The following TBC1D9 variants were observed in gnomAD, a reference collection of about 807,000 sequenced individuals.
TBC1D9 encodes TBC1 domain family member 9A.
Under a neutral mutation model 132.0 loss-of-function variants are expected in TBC1D9, and 63 were observed. That is an observed-to-expected ratio of 0.48 (90% CI 0.39 to 0.59). The LOEUF is 0.59. Among genes scored for constraint, TBC1D9 ranks in the 20% least tolerant of loss-of-function variants. The pLI is 0.00. For synonymous variants in TBC1D9, 610 were observed against 609.9 expected, an observed-to-expected ratio of 1.00 and a Z score of 0.00; for missense variants, 1,261 against 1,592.7, an observed-to-expected ratio of 0.79 and a Z score of 3.54.
chr4:140,642,296 C>T (rs1232378616), intron 13 of TBC1D9: 19 of 722,678 alleles, frequency 2.6e-5, no homozygotes, highest in East Asian at 2.7e-5. Flanking sequence ...CGGAATGGGC[C>T]GACTTGGGCT....
At position 140,621,510 on chromosome 4, in the gene TBC1D9, A is replaced by T. The variant is rs1328248554; in HGVS notation, c.*685T>A. The T allele has an allele frequency of 6.6e-6, 1 of 152,168 alleles. No homozygotes were observed. Among genetic ancestry groups the T allele is most frequent in the Non-Finnish European group, 1.5e-5 (1 of 68,028 alleles). The allele number at this position is 152,168 out of a possible 1,614,324, so 9.4% of individuals were successfully genotyped here. ...GTAAATAATCAGAACAATTTCTTAA[A>T]TGCAAAATTGGTCTGGTATCTGTCT... On this transcript the variant is annotated 3_prime_UTR_variant, in exon 21 of 21. Transcript: ENST00000442267.
intron 9 of TBC1D9, among the ~76,000 whole-genome samples, chr4:140,667,423 GA>G (rs2111006788): frequency 6.6e-6 from 1 of 152,332 alleles, no homozygotes; most frequent in South Asian, 2.1e-4. Context: ...CAAGGAGGAT[GA>G]AAATGGAAAT....
intron 5 of TBC1D9, among the ~76,000 whole-genome samples, chr4:140,677,794 C>T (rs1474429725): frequency 6.6e-6 from 1 of 152,148 alleles, no homozygotes; most frequent in African/African-American, 2.4e-5. Context: ...TCCAAAGTCA[C>T]CTCCATCCTC....
chr4:140,727,750 T>G (rs1046553036), intron 1 of TBC1D9, among the ~76,000 whole-genome samples: 4 of 151,492 alleles, frequency 2.6e-5, no homozygotes, highest in African/African-American at 9.7e-5. Flanking sequence ...ATCTGTTCCA[T>G]GAGTGAACAA....
intron 1 of TBC1D9, among the ~76,000 whole-genome samples, chr4:140,739,800 C>T (rs1195657716): frequency 6.6e-6 from 1 of 151,920 alleles, no homozygotes; most frequent in Non-Finnish European, 1.5e-5. Context: ...GCCAGGAGTT[C>T]AAGACCAGCC....
At chr4:140,624,257 CA>C in intron 19 of TBC1D9, 38 bp from the exon 20 acceptor site, 1 of 1,609,380 alleles carries the variant, frequency 6.2e-7, no homozygotes, top group Non-Finnish European at 8.5e-7. Flanking sequence ...GCTTACAGGC[CA>C]AAAAACAAGT....
Position 140,620,864 on chromosome 4 carries a change from C to A in TBC1D9, c.*1331G>T, listed in dbSNP as rs914597338. ...CTTCATTTGACAGTTTAAAAATCAT[C>A]CTGTAAATAGAATAAAAAACAACAG... On this transcript the variant is annotated 3_prime_UTR_variant, in exon 21 of 21. Transcript: ENST00000442267. 6.6e-6 allele frequency: 1 copy of A among 152,498 alleles called. No individual in the cohort carries two copies. Among genetic ancestry groups the A allele is most frequent in the African/African-American group, 2.4e-5 (1 of 41,410 alleles). The allele number at this position is 152,498 out of a possible 1,614,324, so 9.4% of individuals were successfully genotyped here.
intron 13 of TBC1D9, chr4:140,644,668 C>G (rs765789020): frequency 6.7e-5 from 28 of 418,988 alleles, no homozygotes; most frequent in Admixed American, 5.0e-4. Flanking sequence ...CTGGGCCGCC[C>G]GCTGCTGCAG....
rs577471875 is a variant in TBC1D9, at chr4:140,686,835, T to C, written c.242-373A>G. ...GCACTTTACAGGGTAACATAGATCT[T>C]ATGATACTAGGTTACAGTTGTTAAG... is the stretch of plus-strand genomic sequence containing the variant. On this transcript the variant is annotated intron_variant, in intron 2 of 20. Transcript: ENST00000442267. Among the ~76,000 whole-genome samples the C allele has an allele frequency of 1.7e-4, 26 of 152,288 alleles. No homozygotes were observed. The East Asian group carries it at 5.0e-3, about 29-fold the overall frequency.
chr4:140,638,308 AC>A (rs1253107494), intron 15 of TBC1D9, among the ~76,000 whole-genome samples: 1 of 152,138 alleles, frequency 6.6e-6, no homozygotes, highest in African/African-American at 2.4e-5. Context: ...GATACCTATG[AC>A]AAAAATATTT....
intron 1 of TBC1D9, among the ~76,000 whole-genome samples, chr4:140,750,846 A>G (rs767420125): frequency 2.6e-5 from 4 of 152,084 alleles, no homozygotes; most frequent in African/African-American, 4.8e-5. Context: ...CCAACTTACA[A>G]TGGTTCGACT....
chr4:140,648,289 C>T (rs1487523687), intron 13 of TBC1D9, among the ~76,000 whole-genome samples: 1 of 152,058 alleles, frequency 6.6e-6, no homozygotes, highest in Non-Finnish European at 1.5e-5. Flanking sequence ...TTGATGTAAT[C>T]CAACTCAATT....
At chr4:140,626,907 G>A (rs1358864909) in intron 18 of TBC1D9, among the ~76,000 whole-genome samples, 1 of 152,160 alleles carries the variant, frequency 6.6e-6, no homozygotes, top group Non-Finnish European at 1.5e-5. Context: ...ACTATTTATA[G>A]GCACTGAAGT....
At position 140,634,870 on chromosome 4, in the gene TBC1D9, G is replaced by A. The variant is rs747938678; in HGVS notation, c.2506-682C>T. ...TTATCAGCGTAGGAACCACTCCGGC[G>A]AGCAGAATAGAGATCCAGACCCAGC... is the stretch of plus-strand genomic sequence containing the variant. On this transcript the variant is annotated intron_variant, in intron 15 of 20. Transcript: ENST00000442267. Among the ~76,000 whole-genome samples the A allele has an allele frequency of 6.3e-4, 96 of 152,126 alleles. 1 individual carries two copies. The highest frequency in any genetic ancestry group is 1.7e-3 in the Admixed American group (26 of 15,276).
intron 13 of TBC1D9, among the ~76,000 whole-genome samples, chr4:140,652,260 A>T (rs1038040435): frequency 6.6e-6 from 1 of 152,040 alleles, no homozygotes; most frequent in African/African-American, 2.4e-5. Flanking sequence ...AAAAAAAAAA[A>T]AGATTTTGTT....
At chr4:140,649,999 G>A (rs1194177180) in intron 13 of TBC1D9, among the ~76,000 whole-genome samples, 3 of 152,166 alleles carry the variant, frequency 2.0e-5, no homozygotes, top group African/African-American at 7.2e-5. Context: ...TTCTTTAGGT[G>A]CCATGTCTTT....
rs540582823 is a variant in TBC1D9 at position 140,676,640 on chromosome 4, G to A, written c.1059+254C>T. On this transcript the variant is annotated intron_variant, in intron 6 of 20. Coordinates refer to ENST00000442267, the MANE Select transcript of TBC1D9 (RefSeq NM_015130.3). Reference sequence around the variant, plus strand: ...TGCACTCCAGCGTGGGTGACAGAGCGAGACTGTCTCTAATAAAATAAAATA... The same window carrying A: ...TGCACTCCAGCGTGGGTGACAGAGCAAGACTGTCTCTAATAAAATAAAATA... Among the ~76,000 whole-genome samples, 52 of 152,166 alleles carry A rather than the reference G, an allele frequency of 3.4e-4. 1 individual carries two copies. The highest frequency in any genetic ancestry group is 1.2e-3 in the African/African-American group (51 of 41,494).
chr4:140,742,593 CT>C (rs1340182103), intron 1 of TBC1D9, among the ~76,000 whole-genome samples: 3 of 148,350 alleles, frequency 2.0e-5, no homozygotes, highest in African/African-American at 7.5e-5. Flanking sequence ...GAATGCACAT[CT>C]GACAAGAAAA....
intron 18 of TBC1D9, among the ~76,000 whole-genome samples, chr4:140,627,204 A>G (rs1439612517): frequency 6.6e-6 from 1 of 152,234 alleles, no homozygotes; most frequent in African/African-American, 2.4e-5. Context: ...ATACAGCTCT[A>G]TAGGACACAA....
Sources: gnomAD v4.1 joint callset for allele counts (sites outside exome capture counted in the v4.1 genomes callset) on GRCh38, gnomAD v4.1.1 for gene constraint, MANE v1.5 for transcripts, NCBI Gene and HGNC (gene_info 2026-07-23, HGNC 2026-07-21) for gene names.